STAB2: variants seen among roughly 807,000 people sequenced by gnomAD.
STAB2 encodes the protein stabilin-2.
A neutral mutation model predicts 338.1 loss-of-function variants in STAB2; 288 were observed. The ratio of observed to expected loss-of-function variants is 0.85; its 90% CI spans 0.77 to 0.94. The LOEUF is 0.94. Among genes scored for constraint, STAB2 ranks in the 40% least tolerant of loss-of-function variants. The pLI, the probability that STAB2 is intolerant of heterozygous loss-of-function variation, is 0.00. For synonymous variants in STAB2, 1,202 were observed against 1,193.3 expected (o/e 1.01, Z -0.15); for missense variants, 3,141 against 3,210.1 (o/e 0.98, Z 0.52).
intron 24 of STAB2, 51 bp from the exon 25 acceptor site, chr12:103,677,402 T>C: frequency 1.3e-6 from 2 of 1,547,450 alleles, no homozygotes; most frequent in African/African-American, 1.4e-5. Flanking sequence ...TTTGGAATCA[T>C]GTGGCTGGAC....
intron 16 of STAB2, 68 bp downstream of exon 16, chr12:103,660,452 C>T: frequency 6.4e-7 from 1 of 1,562,366 alleles, no homozygotes; most frequent in Non-Finnish European, 8.8e-7. Context: ...TCTTGAATTC[C>T]AATATTTTGA....
chr12:103,759,657 C>G (rs957643290), intron 65 of STAB2, among the ~76,000 whole-genome samples: 1 of 151,836 alleles, frequency 6.6e-6, no homozygotes, highest in Non-Finnish European at 1.5e-5. Context: ...TCCAGCTTCC[C>G]TGTGTCTCAA....
chr12:103,736,427 A>G (rs1188081479), intron 52 of STAB2, among the ~76,000 whole-genome samples: 6 of 152,220 alleles, frequency 3.9e-5, no homozygotes, highest in African/African-American at 1.4e-4. Context: ...TGGTATTTGA[A>G]TTAGAATTGC....
intron 9 of STAB2, among the ~76,000 whole-genome samples, chr12:103,645,923 C>T (rs1415536721): frequency 3.3e-5 from 5 of 152,044 alleles, no homozygotes; most frequent in Non-Finnish European, 5.9e-5. Context: ...TGGTTGAGAG[C>T]CAATTCTTCA....
At chr12:103,589,154 C>A (rs1385933930) in intron 1 of STAB2, among the ~76,000 whole-genome samples, 1 of 152,128 alleles carries the variant, frequency 6.6e-6, no homozygotes, top group African/African-American at 2.4e-5. Flanking sequence ...GGATGCATAA[C>A]CAATAATCGT....
intron 3 of STAB2, among the ~76,000 whole-genome samples, chr12:103,616,205 C>G (rs1003924332): frequency 1.3e-5 from 2 of 152,214 alleles, no homozygotes; most frequent in African/African-American, 4.8e-5. Flanking sequence ...CAATTCCTCT[C>G]TGATCAGTGT....
intron 68 of STAB2, 70 bp from the exon 69 acceptor site, chr12:103,766,216 C>A (rs1566090224): frequency 2.5e-6 from 4 of 1,594,196 alleles, no homozygotes; most frequent in Non-Finnish European, 3.4e-6. Flanking sequence ...AGACCAGTGG[C>A]CACCAGAAAG....
At chr12:103,600,764 C>A (rs974015623) in intron 3 of STAB2, among the ~76,000 whole-genome samples, 4 of 102,732 alleles carry the variant, frequency 3.9e-5, no homozygotes, top group Non-Finnish European at 7.5e-5. Context: ...TGTTGTGGCT[C>A]AAGAAAGCCC....
intron 19 of STAB2, among the ~76,000 whole-genome samples, chr12:103,666,627 T>C (rs892465106): frequency 2.6e-5 from 4 of 152,228 alleles, no homozygotes; most frequent in African/African-American, 9.6e-5. Context: ...AGATAAAAAT[T>C]GAAGCACAAT....
At chr12:103,723,213 TAA>T (rs1880906666) in intron 44 of STAB2, among the ~76,000 whole-genome samples, 1 of 152,186 alleles carries the variant, frequency 6.6e-6, no homozygotes, top group Non-Finnish European at 1.5e-5. Context: ...ACGCTGCTGA[TAA>T]AGACATACTC....
chr12:103,678,086 C>T (rs1238367560), intron 25 of STAB2, among the ~76,000 whole-genome samples: 2 of 152,180 alleles, frequency 1.3e-5, no homozygotes, highest in Non-Finnish European at 2.9e-5. Context: ...CTCCCTTCCC[C>T]CATCCATCCC....
chr12:103,621,981 G>A, intron 4 of STAB2, 61 bp from the exon 5 acceptor site: 3 of 1,531,414 alleles, frequency 2.0e-6, no homozygotes, highest in Non-Finnish European at 2.7e-6. Context: ...GAAATCCAAG[G>A]CCTTCCTTGG....
chr12:103,680,796 C>T (rs1415296701), intron 25 of STAB2, among the ~76,000 whole-genome samples: 5 of 152,216 alleles, frequency 3.3e-5, no homozygotes, highest in Non-Finnish European at 5.9e-5. Flanking sequence ...TCCCCAGAGC[C>T]AAATGGCGTG....
intron 67 of STAB2, among the ~76,000 whole-genome samples, chr12:103,763,116 G>A (rs953422770): frequency 6.6e-6 from 1 of 152,188 alleles, no homozygotes; most frequent in East Asian, 1.9e-4. Flanking sequence ...TAGCAAAAGT[G>A]TATAGGCTGT....
At position 103,632,698 on chromosome 12, in the gene STAB2, C is replaced by T. The variant is rs189477651; in HGVS notation, c.583+1005C>T. Among the ~76,000 whole-genome samples, 652 of 152,310 alleles carry T rather than the reference C, an allele frequency of 4.3e-3. 1 individual carries two copies. Among genetic ancestry groups the T allele is most frequent in the Non-Finnish European group, 6.3e-3 (427 of 68,030 alleles). ...CCCTGAACAGACCCTGCAGCAGCAG[C>T]AAAGGAACACGCAGCAGCAGCAGCA... On this transcript the variant is annotated intron_variant, in intron 6 of 68. Transcript: ENST00000388887.
At chr12:103,733,248 A>C in intron 51 of STAB2, 66 bp downstream of exon 51, 1 of 1,565,400 alleles carries the variant, frequency 6.4e-7, no homozygotes, top group Non-Finnish European at 8.7e-7. Context: ...TTCAGCACCA[A>C]GGCATTGTGG....
intron 33 of STAB2, among the ~76,000 whole-genome samples, chr12:103,697,215 C>G (rs1252532770): frequency 3.9e-5 from 6 of 152,088 alleles, no homozygotes; most frequent in Admixed American, 6.5e-5. Context: ...TTATGTATCC[C>G]CAATAGGATG....
chr12:103,735,214 T>A (rs1270177086), intron 51 of STAB2, among the ~76,000 whole-genome samples: 1 of 152,158 alleles, frequency 6.6e-6, no homozygotes, highest in Non-Finnish European at 1.5e-5. Flanking sequence ...ACGCTAAGAC[T>A]GCATCTTCAG....
chr12:103,639,368 T>C (rs2138691065), intron 8 of STAB2, among the ~76,000 whole-genome samples: 1 of 152,250 alleles, frequency 6.6e-6, no homozygotes, highest in African/African-American at 2.4e-5. Flanking sequence ...AACAGCATTC[T>C]TGACCTCTGG....
Sources: gnomAD v4.1 joint callset for allele counts (sites outside exome capture counted in the v4.1 genomes callset) on GRCh38, gnomAD v4.1.1 for gene constraint, MANE v1.5 for transcripts, NCBI Gene and HGNC (gene_info 2026-07-23, HGNC 2026-07-21) for gene names.